ZBTB7C: variants seen among roughly 807,000 people sequenced by gnomAD.
The protein encoded by ZBTB7C is zinc finger and BTB domain containing 7C.
A neutral mutation model predicts 25.7 loss-of-function variants in ZBTB7C; 8 were observed. The ratio of observed to expected loss-of-function variants is 0.31; its 90% confidence interval spans 0.18 to 0.56. The LOEUF (loss-of-function observed/expected upper bound fraction) is 0.56, where lower values mean the gene tolerates loss of function less well. Ranked by LOEUF, ZBTB7C falls within the 20% of genes least tolerant of loss-of-function variation. The pLI, the probability that ZBTB7C is intolerant of heterozygous loss-of-function variation, is 0.91. For synonymous variants in ZBTB7C, 394 were observed against 369.0 expected, an observed-to-expected ratio of 1.07 and a Z score of -0.78; for missense variants, 824 against 855.2, an observed-to-expected ratio of 0.96 and a Z score of 0.46.
At chr18:48,044,229 T>C (rs984288233) in intron 3 of ZBTB7C, among the ~76,000 whole-genome samples, 1 of 152,184 alleles carries the variant, frequency 6.6e-6, no homozygotes, top group African/African-American at 2.4e-5. Context: ...GTAGGATTAG[T>C]TGATGGACAC....
chr18:48,074,548 A>T (rs1481388106), intron 3 of ZBTB7C, among the ~76,000 whole-genome samples: 1 of 152,232 alleles, frequency 6.6e-6, no homozygotes, highest in Non-Finnish European at 1.5e-5. Flanking sequence ...TCAGAACCGC[A>T]CAGCCCTGTG....
intron 2 of ZBTB7C, among the ~76,000 whole-genome samples, chr18:48,211,820 C>T (rs1189463310): frequency 6.6e-6 from 1 of 152,118 alleles, no homozygotes; most frequent in Non-Finnish European, 1.5e-5. Context: ...CCATATGATC[C>T]AGTGATCACA....
chr18:48,217,746 CAT>C, intron 2 of ZBTB7C, among the ~76,000 whole-genome samples: 1 of 152,182 alleles, frequency 6.6e-6, no homozygotes, highest in Non-Finnish European at 1.5e-5. Flanking sequence ...GGCCGTGTCT[CAT>C]ATCTTAAGGC....
At chr18:48,126,402 C>A (rs11082651) in intron 3 of ZBTB7C, among the ~76,000 whole-genome samples, 1 of 151,970 alleles carries the variant, frequency 6.6e-6, no homozygotes, top group Non-Finnish European at 1.5e-5. Context: ...ATGAGAGCGG[C>A]GCTCTGAGGA....
At chr18:48,050,973 G>A (rs1301518006) in intron 3 of ZBTB7C, among the ~76,000 whole-genome samples, 1 of 152,084 alleles carries the variant, frequency 6.6e-6, no homozygotes, top group Non-Finnish European at 1.5e-5. Flanking sequence ...CTAAGCTCCT[G>A]CTGGTGAATT....
intron 2 of ZBTB7C, among the ~76,000 whole-genome samples, chr18:48,249,355 C>A (rs2043783638): frequency 6.6e-6 from 1 of 152,122 alleles, no homozygotes; most frequent in Admixed American, 6.5e-5. Flanking sequence ...AACTGAAAAC[C>A]ATAAATGGCC....
intron 3 of ZBTB7C, among the ~76,000 whole-genome samples, chr18:48,091,128 C>T (rs1437576751): frequency 3.3e-5 from 5 of 150,318 alleles, no homozygotes; most frequent in Admixed American, 1.3e-4. Context: ...GGCTGGAGTA[C>T]AGTGGTGTGA....
At chr18:48,123,775 T>C (rs1170715629) in intron 3 of ZBTB7C, among the ~76,000 whole-genome samples, 2 of 152,250 alleles carry the variant, frequency 1.3e-5, no homozygotes, top group Non-Finnish European at 2.9e-5. Context: ...TAGAAGTAAG[T>C]GCTGCAGGAT....
chr18:48,185,476 C>T (rs889551731), intron 3 of ZBTB7C: 8 of 327,926 alleles, frequency 2.4e-5, no homozygotes, highest in Admixed American at 8.9e-5. Context: ...ATGACATTCT[C>T]AGATTGATTA....
chr18:48,368,054 A>G (rs993774628), intron 1 of ZBTB7C, among the ~76,000 whole-genome samples: 6 of 152,130 alleles, frequency 3.9e-5, no homozygotes, highest in African/African-American at 1.4e-4. Context: ...TCAATCAAAA[A>G]TTACTTATCA....
chr18:48,213,489 T>A (rs2042750141), intron 2 of ZBTB7C, among the ~76,000 whole-genome samples: 3 of 152,184 alleles, frequency 2.0e-5, no homozygotes, highest in Admixed American at 2.0e-4. Flanking sequence ...CTGTGCGTGC[T>A]AGAGATTAAA....
In ZBTB7C at chr18:48,070,881, C is replaced by A. The variant is rs115078447; in HGVS notation, c.-16-29758G>T. On this transcript the variant is annotated intron_variant, in intron 3 of 4. Transcript: ENST00000590800. The stretch of plus-strand genomic sequence containing the variant: ...TTTTCCCCCTTTCCCCACTGAACTG[C>A]CCCTGGGGTCCCAGCCAATCTCAAA... Among the ~76,000 whole-genome samples the A allele has an allele frequency of 4.6e-3, 706 of 152,280 alleles. 5 individuals carry two copies. Among genetic ancestry groups the A allele is most frequent in the Middle Eastern group, 0.027 (8 of 294 alleles).
chr18:48,299,736 C>T (rs1331523622), intron 2 of ZBTB7C, among the ~76,000 whole-genome samples: 3 of 152,140 alleles, frequency 2.0e-5, no homozygotes, highest in Non-Finnish European at 2.9e-5. Flanking sequence ...CCAGGCAGAG[C>T]GCAGCATGTG....
intron 3 of ZBTB7C, among the ~76,000 whole-genome samples, chr18:48,156,611 G>A (rs991586270): frequency 2.0e-5 from 3 of 152,150 alleles, no homozygotes; most frequent in African/African-American, 7.2e-5. Context: ...TACTATCGTT[G>A]ATCAAAGTTA....
rs113275715 is a variant in ZBTB7C, at chr18:48,040,148, C to T, written c.960G>A (p.Gly320=). ...TCTCCGCCTTGATGGGTCCCAGAGGCCCCCCCGGCAGGTCAGGGAACATGT... is the reference window on the plus strand; with the variant it reads ...TCTCCGCCTTGATGGGTCCCAGAGGTCCCCCCGGCAGGTCAGGGAACATGT... ...FKDMFPDLPG[G]PLGPIKAEND... The change falls in exon 4 of 5, where the codon GGG becomes GGA. Residue 320 remains glycine (G), a synonymous_variant. Coordinates refer to ENST00000590800, the MANE Select transcript of ZBTB7C (RefSeq NM_001318841.2). 3.4e-5 allele frequency: 54 copies of T among 1,577,704 alleles called. No homozygotes were observed. The highest frequency in any genetic ancestry group is 1.7e-4 in the Middle Eastern group (1 of 5,840).
chr18:48,237,396 G>C (rs910388367), intron 2 of ZBTB7C, among the ~76,000 whole-genome samples: 1 of 152,106 alleles, frequency 6.6e-6, no homozygotes. Flanking sequence ...GTGGGGAGCT[G>C]AGACTCCCAA....
chr18:48,410,305 C>T (rs1457942649), upstream of ZBTB7C, among the ~76,000 whole-genome samples: 1 of 152,142 alleles, frequency 6.6e-6, no homozygotes, highest in Non-Finnish European at 1.5e-5. Context: ...CCCTCTGGAG[C>T]CTTGGGCCCC....
chr18:48,262,889 G>A (rs2044210583), intron 2 of ZBTB7C, among the ~76,000 whole-genome samples: 1 of 152,060 alleles, frequency 6.6e-6, no homozygotes, highest in Non-Finnish European at 1.5e-5. Context: ...TGCAGAATCT[G>A]CGAGCCAAGA....
chr18:48,331,002 C>T (rs533227598), intron 2 of ZBTB7C, among the ~76,000 whole-genome samples: 6 of 152,142 alleles, frequency 3.9e-5, no homozygotes, highest in Non-Finnish European at 7.4e-5. Flanking sequence ...GTCAAGGGTT[C>T]CCTCCTCCAG....
Sources: allele counts gnomAD v4.1 joint callset (sites outside exome capture counted in the v4.1 genomes callset), GRCh38; gene constraint gnomAD v4.1.1; transcripts MANE v1.5; gene names NCBI Gene and HGNC (gene_info 2026-07-23, HGNC 2026-07-21).